The following PKD1L1 variants were observed in gnomAD, a reference collection of about 807,000 sequenced individuals.
PKD1L1 encodes polycystin-1-like protein 1.
Under a neutral mutation model 323.4 loss-of-function variants are expected in PKD1L1, and 236 were observed. The ratio of observed to expected loss-of-function variants is 0.73; its 90% CI spans 0.66 to 0.81. The LOEUF is 0.81. Among genes scored for constraint, PKD1L1 ranks in the 40% least tolerant of loss-of-function variants. The pLI, the probability that PKD1L1 is intolerant of heterozygous loss-of-function variation, is 0.00. For synonymous variants in PKD1L1, 1,344 were observed against 1,335.0 expected (o/e 1.01, Z -0.15); for missense variants, 3,320 against 3,508.0 (o/e 0.95, Z 1.35).
chr7:47,943,379 C>T lies in PKD1L1; in HGVS notation c.160+17G>A. 1 of 1,596,176 alleles carries T rather than the reference C, an allele frequency of 6.3e-7. No individual in the cohort carries two copies. The stretch of plus-strand genomic sequence containing the variant: ...ATTCTTATCATGGTGGCCATGCCTC[C>T]TTCCCCAAGGCCTTACCGACCCACA... On this transcript the variant is annotated intron_variant, in intron 2 of 56. Transcript: ENST00000289672.
chr7:47,875,765 C>T (rs1786390587), intron 23 of PKD1L1, among the ~76,000 whole-genome samples: 1 of 152,084 alleles, frequency 6.6e-6, no homozygotes, highest in Non-Finnish European at 1.5e-5. Context: ...ATAATAAATG[C>T]AAGATTCACC....
chr7:47,828,436 A>T (rs1187261976), intron 44 of PKD1L1, among the ~76,000 whole-genome samples: 2 of 151,986 alleles, frequency 1.3e-5, no homozygotes, highest in African/African-American at 4.8e-5. Flanking sequence ...AACAAGGGCA[A>T]CGTTGCTTCT....
intron 46 of PKD1L1, among the ~76,000 whole-genome samples, chr7:47,817,278 C>A (rs1206992102): frequency 6.6e-6 from 1 of 151,982 alleles, no homozygotes; most frequent in Non-Finnish European, 1.5e-5. Context: ...AGGATTTACA[C>A]CACGGAAATT....
At chr7:47,956,914 A>C in the PKD1L1 span, 2 of 153,164 alleles carry the variant, frequency 1.3e-5, no homozygotes, top group Non-Finnish European at 2.9e-5. Flanking sequence ...ATTTTAAATA[A>C]ATTGATTGGT....
At chr7:47,928,672 T>C (rs918865689) in intron 7 of PKD1L1, among the ~76,000 whole-genome samples, 4 of 152,156 alleles carry the variant, frequency 2.6e-5, no homozygotes, top group African/African-American at 9.7e-5. Context: ...CCACCCCCAA[T>C]CATCATCTCT....
At chr7:47,902,626 T>C (rs1328424149) in intron 12 of PKD1L1, 115 bp from the exon 13 acceptor site, 1 of 1,274,874 alleles carries the variant, frequency 7.8e-7, no homozygotes, top group Non-Finnish European at 1.1e-6. Flanking sequence ...CAGCAAGTCA[T>C]CCCATGAATA....
chr7:47,868,273 G>A (rs906804836), intron 24 of PKD1L1, among the ~76,000 whole-genome samples: 1 of 152,178 alleles, frequency 6.6e-6, no homozygotes, highest in Non-Finnish European at 1.5e-5. Context: ...GGAGGCTGAG[G>A]CAGGAGAATT....
chr7:47,792,762 G>A lies in PKD1L1; in HGVS notation c.8391C>T (p.Asp2797=), dbSNP rs373272346. ...AACCATTAATCTTCATCAGAAGTTC[G>A]TCTAACAGATTTGCAAATTCATCCA... is the stretch of plus-strand genomic sequence containing the variant. ...YYLDEFANLL[D]ELLMKINGLS... The change falls in exon 56 of 57, where the codon GAC becomes GAT. Residue 2797 remains aspartate, a synonymous_variant. Transcript: ENST00000289672. The A allele has an allele frequency of 5.5e-5, 89 of 1,613,668 alleles. No homozygotes were observed. The highest frequency in any genetic ancestry group is 6.9e-5 in the Non-Finnish European group (82 of 1,179,886).
chr7:47,843,116 TAAAG>T lies in PKD1L1; in HGVS notation c.5287_5290del (p.Leu1763MetfsTer11). ...TCTACTTTTAGCGACCAAAAATCCA[TAAAG>T]AATCACAGAACCCATAATAAAAATA... On this transcript the variant is annotated frameshift_variant, in exon 34 of 57. Coordinates refer to ENST00000289672, the MANE Select transcript of PKD1L1 (RefSeq NM_138295.5). LOFTEE classifies it high-confidence loss of function. 6.2e-7 allele frequency: 1 copy of T among 1,613,748 alleles called. No homozygotes were observed. Among genetic ancestry groups the T allele is most frequent in the South Asian group, 1.1e-5 (1 of 91,034 alleles).
At position 47,827,387 on chromosome 7, in the gene PKD1L1, T is replaced by C; in HGVS notation, c.6817A>G (p.Arg2273Gly). 1 of 1,613,340 alleles carries C rather than the reference T, an allele frequency of 6.2e-7. No homozygotes were observed. Among genetic ancestry groups the C allele is most frequent in the South Asian group, 1.1e-5 (1 of 90,950 alleles). Residue 2273 changes from arginine (R) to glycine (G), a missense_variant, in exon 45 of 57, where the codon AGG (arginine) becomes GGG (glycine). Physicochemically the swap from Arg to Gly is moderately radical, Grantham distance 125. Coordinates refer to ENST00000289672, the MANE Select transcript of PKD1L1 (RefSeq NM_138295.5). Reference sequence around the variant, plus strand: ...CGTGTGCGACTCTCTCTCCTCATCCTCTGTCTGGTGCCCCTCAGCTGGGCC... The same window carrying C: ...CGTGTGCGACTCTCTCTCCTCATCCCCTGTCTGGTGCCCCTCAGCTGGGCC... ...SKAQLRGTRQ[R>G]MRRESRTRAA...
chr7:47,910,219 T>G (rs1009246194), intron 8 of PKD1L1, among the ~76,000 whole-genome samples: 1 of 152,172 alleles, frequency 6.6e-6, no homozygotes, highest in Admixed American at 6.5e-5. Flanking sequence ...AAGGCAGATT[T>G]CACGACCACA....
At chr7:47,936,532 T>G (rs1445536406) in intron 4 of PKD1L1, among the ~76,000 whole-genome samples, 1 of 152,228 alleles carries the variant, frequency 6.6e-6, no homozygotes, top group Non-Finnish European at 1.5e-5. Flanking sequence ...ATTACCATCA[T>G]GTTGAGTGCT....
rs370329516 is a variant in PKD1L1 at position 47,839,450 on chromosome 7, C to A, written c.5765G>T (p.Arg1922Leu). The A allele has an allele frequency of 6.5e-5, 105 of 1,606,040 alleles. No individual in the cohort carries two copies. In the Admixed American group the frequency reaches 1.7e-3, roughly 26 times the overall value. ...LTCLQGGLGF[R>L]KLFYCKFTEY... ...GGCCACCTGGAGGGAGCCTACCTTCCGGAAGCCGAGTCCCCCTTGCAGACA... is the reference window on the plus strand; with the variant it reads ...GGCCACCTGGAGGGAGCCTACCTTCAGGAAGCCGAGTCCCCCTTGCAGACA... The change falls in exon 36 of 57, where the codon CGG becomes CTG. Residue 1922 changes from arginine to leucine, a missense_variant. Physicochemically the swap from Arg to Leu is moderately radical, Grantham distance 102. Transcript: ENST00000289672. The surrounding 1 kb of genome is among the most constrained non-coding windows in gnomAD (Gnocchi z 4.3).
At chr7:47,830,010 G>A (rs895873986) in intron 43 of PKD1L1, 30 bp downstream of exon 43, 1 of 1,600,980 alleles carries the variant, frequency 6.2e-7, no homozygotes, top group African/African-American at 1.3e-5. Flanking sequence ...GCTGATGGAA[G>A]GCACTTCTAC....
rs776032233 is a variant in PKD1L1, at chr7:47,827,486, G to A, written c.6736-18C>T. ...GCCAAGACCTGTCAGGGACAAGAGT[G>A]CTGTGAGCTGCGGGCTGGTGGGTGG... On this transcript the variant is annotated intron_variant, in intron 44 of 56. Coordinates refer to ENST00000289672, the MANE Select transcript of PKD1L1 (RefSeq NM_138295.5). 2 of 1,591,752 alleles carry A rather than the reference G, an allele frequency of 1.3e-6. No homozygotes were observed. The highest frequency in any genetic ancestry group is 2.2e-5 in the East Asian group (1 of 44,552).
In PKD1L1 at chr7:47,908,200, C is replaced by T. The variant is rs141974473; in HGVS notation, c.1279G>A (p.Glu427Lys). 52 of 1,614,082 alleles carry T rather than the reference C, an allele frequency of 3.2e-5. No individual in the cohort carries two copies. Among genetic ancestry groups the T allele is most frequent in the Middle Eastern group, 1.6e-4 (1 of 6,084 alleles). The change falls in exon 9 of 57, where the codon GAA becomes AAA. Residue 427 changes from glutamate (E) to lysine (K), a missense_variant. Glu to Lys is a moderately conservative substitution (Grantham distance 56, BLOSUM62 1). Transcript: ENST00000289672. ...ACATAATAAGGCCCAAGCTCCACTT[C>T]GGTTCCATGAAACTCGTTATAAATA... ...AVIYNEFHGT[E>K]VELGPYYVEI...
In PKD1L1 at chr7:47,885,773, C is replaced by T. The variant is rs748928874; in HGVS notation, c.3118G>A (p.Glu1040Lys). 87 of 1,614,082 alleles carry T rather than the reference C, an allele frequency of 5.4e-5. No individual in the cohort carries two copies. The highest frequency in any genetic ancestry group is 7.4e-5 in the Non-Finnish European group (87 of 1,180,040). ...GATCCCTTGCTCTGTGGCCCTGGCT[C>T]TAGGTCTAGTGAACCTTCCTCTGGA... ...EAPEEGSLDL[E>K]PGPQSKGSLM... Residue 1040 changes from glutamate to lysine, a missense_variant, in exon 18 of 57, where the codon GAG (glutamate) becomes AAG (lysine). Glu to Lys is a moderately conservative substitution (Grantham distance 56, BLOSUM62 1). Coordinates refer to ENST00000289672, the MANE Select transcript of PKD1L1 (RefSeq NM_138295.5).
In PKD1L1 at chr7:47,801,820, T is replaced by C. The variant is rs531794272; in HGVS notation, c.7963-941A>G. Among the ~76,000 whole-genome samples the C allele has an allele frequency of 2.0e-5, 3 of 152,384 alleles. No homozygotes were observed. The East Asian group carries it at 5.8e-4, about 29-fold the overall frequency. On this transcript the variant is annotated intron_variant, in intron 53 of 56. Coordinates refer to ENST00000289672, the MANE Select transcript of PKD1L1 (RefSeq NM_138295.5). ...TCTCCCCTTGATGCCTATGCATCTA[T>C]ACTTGCTGCACAGTTAGAATTCTGC...
At chr7:47,838,548 A>G (rs1785502670) in intron 36 of PKD1L1, among the ~76,000 whole-genome samples, 1 of 152,228 alleles carries the variant, frequency 6.6e-6, no homozygotes, top group Non-Finnish European at 1.5e-5. Context: ...TGTTTTAAAA[A>G]TTCATGAAGA....
Sources: gnomAD v4.1 joint callset for allele counts (sites outside exome capture counted in the v4.1 genomes callset) on GRCh38, gnomAD v4.1.1 for gene constraint, Gnocchi (gnomAD v3.1) non-coding constraint, MANE v1.5 for transcripts, NCBI Gene and HGNC (gene_info 2026-07-23, HGNC 2026-07-21) for gene names.